The following SSH2 variants were observed in gnomAD, a reference collection of about 807,000 sequenced individuals.
SSH2 encodes the protein protein phosphatase Slingshot homolog 2.
A neutral mutation model predicts 135.2 loss-of-function variants in SSH2; 37 were observed. The ratio of observed to expected loss-of-function variants is 0.27; its 90% CI spans 0.21 to 0.36. SSH2 has a LOEUF of 0.36. SSH2 is among the 10% of genes least tolerant of loss of function. The pLI is 1.00. For synonymous variants in SSH2, 628 were observed against 646.2 expected, an observed-to-expected ratio of 0.97 and a Z score of 0.43; for missense variants, 1,408 against 1,765.3, an observed-to-expected ratio of 0.80 and a Z score of 3.63.
intron 1 of SSH2, chr17:29,925,690 C>G: frequency 2.6e-6 from 1 of 380,732 alleles, no homozygotes; most frequent in Non-Finnish European, 4.6e-6. Flanking sequence ...GCCTGTGCTA[C>G]AGTGAGACCC....
At chr17:29,912,239 T>C (rs547566400) in intron 1 of SSH2, among the ~76,000 whole-genome samples, 1 of 152,306 alleles carries the variant, frequency 6.6e-6, no homozygotes, top group South Asian at 2.1e-4. Flanking sequence ...GGGAATCAAA[T>C]ACACTATTAA....
intron 2 of SSH2, among the ~76,000 whole-genome samples, chr17:29,795,513 A>G (rs1032853760): frequency 1.3e-5 from 2 of 152,196 alleles, no homozygotes; most frequent in African/African-American, 2.4e-5. Flanking sequence ...AGAGACTGAA[A>G]AAAGGTTTAA....
chr17:29,842,824 G>A (rs1018868188), intron 2 of SSH2, among the ~76,000 whole-genome samples: 4 of 152,094 alleles, frequency 2.6e-5, no homozygotes, highest in Admixed American at 1.3e-4. Context: ...TTCTGACGAT[G>A]GGCCCTAACA....
chr17:29,761,039 C>A, intron 3 of SSH2: 1 of 1,141,264 alleles, frequency 8.8e-7, no homozygotes, highest in Admixed American at 2.4e-5. Context: ...AAGCAGGATG[C>A]GCGCTCGCCC....
At chr17:29,689,122 C>CACTCCAG (rs2038356032) in intron 5 of SSH2, among the ~76,000 whole-genome samples, 1 of 151,706 alleles carries the variant, frequency 6.6e-6, no homozygotes, top group African/African-American at 2.4e-5. Context: ...CACGCCACTC[C>CACTCCAG]ACTCCAGCCT....
At chr17:29,913,354 A>AT (rs2066816598) in intron 1 of SSH2, among the ~76,000 whole-genome samples, 2 of 51,296 alleles carry the variant, frequency 3.9e-5, no homozygotes, top group Non-Finnish European at 8.0e-5. Flanking sequence ...AAAAATATAT[A>AT]TATATATATA....
chr17:29,636,464 T>G lies in SSH2; in HGVS notation c.1766A>C (p.Glu589Ala). The G allele has an allele frequency of 1.2e-6, 2 of 1,614,230 alleles. No homozygotes were observed. The highest frequency in any genetic ancestry group is 8.5e-7 in the Non-Finnish European group (1 of 1,180,044). ...GCAATTGTCAAGAGGAAATTTTGAT[T>G]CATTCAGACAACACCCTGATGAGCA... is the stretch of plus-strand genomic sequence containing the variant. ...NGCSSGCCLN[E>A]SKFPLDNCHA... Residue 589 changes from glutamate (E) to alanine (A), a missense_variant, in exon 15 of 16, where the codon GAA (glutamate) becomes GCA (alanine). By Grantham distance (107) the Glu-to-Ala change is moderately radical. This residue lies in a region of SSH2 where 1,080 missense variants were observed against 1,144.5 expected (regional missense o/e 0.94). Transcript: ENST00000540801.
At position 29,807,832 on chromosome 17, in the gene SSH2, CTTTTTTTT is replaced by C. The variant is rs58284055; in HGVS notation, c.145-13903_145-13896del. 4.7e-4 allele frequency among the ~76,000 whole-genome samples: 44 copies of C among 94,394 alleles called. 1 individual carries two copies. The highest frequency in any genetic ancestry group is 1.8e-3 in the African/African-American group (43 of 24,534). The allele number at this position is 94,394 out of a possible 152,430, so 61.9% of individuals were successfully genotyped here. On this transcript the variant is annotated intron_variant, in intron 2 of 15. Transcript: ENST00000540801. ...AATTATAAATATGTTGTTTTGATGG[CTTTTTTTT>C]TTTTTTTTTTTTTTTAGGAAACACT...
At chr17:29,877,848 G>T (rs1263166516) in intron 1 of SSH2, among the ~76,000 whole-genome samples, 1 of 151,976 alleles carries the variant, frequency 6.6e-6, no homozygotes, top group South Asian at 2.1e-4. Flanking sequence ...CAGCACTTTG[G>T]GAATTTGGCA....
intron 6 of SSH2, among the ~76,000 whole-genome samples, chr17:29,679,857 T>C (rs2037892413): frequency 6.6e-6 from 1 of 152,344 alleles, no homozygotes; most frequent in Admixed American, 6.5e-5. Flanking sequence ...TAAAATGTAA[T>C]AGTCATTACC....
intron 2 of SSH2, among the ~76,000 whole-genome samples, chr17:29,803,964 T>G (rs1392942731): frequency 6.6e-6 from 1 of 152,170 alleles, no homozygotes; most frequent in Non-Finnish European, 1.5e-5. Context: ...ACCTAGGCAC[T>G]CATAATCTGA....
At chr17:29,833,409 CT>C (rs1472427645) in intron 2 of SSH2, among the ~76,000 whole-genome samples, 2 of 152,058 alleles carry the variant, frequency 1.3e-5, no homozygotes, top group African/African-American at 4.8e-5. Context: ...TACCCTTGCT[CT>C]TTTTTGGTTT....
At chr17:29,761,353 AC>A in intron 3 of SSH2, 2 of 1,068,274 alleles carry the variant, frequency 1.9e-6, no homozygotes, top group South Asian at 2.2e-5. Context: ...CTGCGCGTGC[AC>A]CCGGCGGCGG....
chr17:29,768,461 G>A (rs556124129), intron 3 of SSH2, among the ~76,000 whole-genome samples: 2 of 151,852 alleles, frequency 1.3e-5, no homozygotes, highest in African/African-American at 2.4e-5. Flanking sequence ...CTGTCGAGAC[G>A]AAGTCTTGCC....
intron 15 of SSH2, among the ~76,000 whole-genome samples, chr17:29,634,849 C>A (rs867949111): frequency 6.6e-6 from 1 of 151,956 alleles, no homozygotes; most frequent in African/African-American, 2.4e-5. Flanking sequence ...CTGAGCCTGG[C>A]CTTCCCCTTG....
intron 1 of SSH2, among the ~76,000 whole-genome samples, chr17:29,856,733 C>T (rs974551822): frequency 6.6e-6 from 1 of 152,206 alleles, no homozygotes; most frequent in African/African-American, 2.4e-5. Flanking sequence ...GAAGTAATCA[C>T]TATGCCAGTT....
chr17:29,870,365 A>T (rs2065919513), intron 1 of SSH2, among the ~76,000 whole-genome samples: 1 of 151,988 alleles, frequency 6.6e-6, no homozygotes, highest in Non-Finnish European at 1.5e-5. Context: ...GTATGCTTGC[A>T]TGTCTATGCA....
At chr17:29,737,038 G>A (rs796333878) in intron 3 of SSH2, among the ~76,000 whole-genome samples, 2 of 130,932 alleles carry the variant, frequency 1.5e-5, no homozygotes, top group East Asian at 4.6e-4. Context: ...GGCGGAGCTT[G>A]CAGTGAGCCA....
At chr17:29,667,423 C>A (rs2037325004) in intron 9 of SSH2, among the ~76,000 whole-genome samples, 200 bp from the exon 10 acceptor site, 1 of 152,172 alleles carries the variant, frequency 6.6e-6, no homozygotes, top group Admixed American at 6.6e-5. Context: ...GGCAGCAGAA[C>A]AGGAGGTGAG....
Sources: allele counts gnomAD v4.1 joint callset (sites outside exome capture counted in the v4.1 genomes callset), GRCh38; gene constraint gnomAD v4.1.1; regional missense constraint gnomAD v4.1.1; transcripts MANE v1.5; gene names NCBI Gene and HGNC (gene_info 2026-07-23, HGNC 2026-07-21).